Variants in CADM1 observed in about 807,000 individuals in gnomAD.
The protein encoded by CADM1 is TSLC-1.
CADM1 carries 15 observed loss-of-function variants against 53.1 expected under a neutral mutation model. The ratio of observed to expected loss-of-function variants is 0.28; its 90% CI spans 0.19 to 0.44. The LOEUF (loss-of-function observed/expected upper bound fraction) is 0.44, where lower values mean the gene tolerates loss of function less well. CADM1 is among the 20% of genes least tolerant of loss of function. The pLI, the probability that CADM1 is intolerant of heterozygous loss-of-function variation, is 1.00. For synonymous variants in CADM1, 281 were observed against 243.0 expected (o/e 1.16, Z -1.45); for missense variants, 434 against 611.3 (o/e 0.71, Z 3.06).
intron 10 of CADM1, among the ~76,000 whole-genome samples, chr11:115,187,532 A>G (rs1379118578): frequency 1.3e-5 from 2 of 152,058 alleles, no homozygotes; most frequent in East Asian, 3.9e-4. Context: ...CGTTCAAGCA[A>G]TTCTCCTCAG....
intron 1 of CADM1, among the ~76,000 whole-genome samples, chr11:115,328,916 T>C (rs1281472502): frequency 6.7e-6 from 1 of 149,730 alleles, no homozygotes; most frequent in Non-Finnish European, 1.5e-5. Flanking sequence ...TTATGGCATT[T>C]TATTTGATTC....
chr11:115,288,479 A>G (rs1466174142), intron 1 of CADM1, among the ~76,000 whole-genome samples: 2 of 152,000 alleles, frequency 1.3e-5, no homozygotes, highest in Non-Finnish European at 2.9e-5. Context: ...AAAATCACCA[A>G]CCCCTGTTTC....
At chr11:115,179,775 T>G (rs1378765156) in intron 10 of CADM1, among the ~76,000 whole-genome samples, 1 of 152,208 alleles carries the variant, frequency 6.6e-6, no homozygotes, top group Middle Eastern at 3.2e-3. Flanking sequence ...ATTTACTAGC[T>G]GTACCTTACA....
chr11:115,484,087 G>C (rs1949315773), intron 1 of CADM1, among the ~76,000 whole-genome samples: 1 of 152,170 alleles, frequency 6.6e-6, no homozygotes, highest in Admixed American at 6.5e-5. Context: ...TTTACATAAA[G>C]GAGTTAAGAA....
At position 115,169,411 on chromosome 11, in the gene CADM1, A is replaced by C; in HGVS notation, c.*7063T>G. 5.7e-6 allele frequency: 2 copies of C among 351,780 alleles called. No homozygotes were observed. The highest frequency in any genetic ancestry group is 2.2e-5 in the South Asian group (1 of 45,812). 21.8% of individuals were successfully genotyped at this position (351,780 alleles called of 1,614,324 possible). A position where few individuals can be genotyped will look rare whatever the true frequency, so the allele number is the denominator to read the frequency against. ...ACATTTCTGGCTGTGTTAAGAATCA[A>C]GCCATCAAGAACAGCTGTGAATGTT... On this transcript the variant is annotated 3_prime_UTR_variant, in exon 12 of 12. Coordinates refer to ENST00000331581, the MANE Select transcript of CADM1 (RefSeq NM_001301043.2).
At chr11:115,413,641 G>GTTTTTTTTTTTT (rs1215267771) in intron 1 of CADM1, among the ~76,000 whole-genome samples, 4 of 94,194 alleles carry the variant, frequency 4.2e-5, no homozygotes, top group Non-Finnish European at 8.2e-5. Context: ...CTCCAGCTCA[G>GTTTTTTTTTTTT]TTCTTTTTTT....
intron 1 of CADM1, among the ~76,000 whole-genome samples, chr11:115,367,511 T>C (rs1369405767): frequency 2.0e-5 from 3 of 152,294 alleles, no homozygotes; most frequent in Non-Finnish European, 2.9e-5. Context: ...ATTAAAATAA[T>C]GCATATTATA....
At chr11:115,353,056 C>T (rs770715390) in intron 1 of CADM1, among the ~76,000 whole-genome samples, 4 of 152,140 alleles carry the variant, frequency 2.6e-5, no homozygotes, top group South Asian at 2.1e-4. Context: ...GTGTTCTGGA[C>T]TGAAAATGCT....
intron 1 of CADM1, among the ~76,000 whole-genome samples, chr11:115,417,991 T>C (rs1947649950): frequency 6.6e-6 from 1 of 152,230 alleles, no homozygotes; most frequent in Non-Finnish European, 1.5e-5. Context: ...TGGGTCTGAC[T>C]ATATAACATC....
intron 1 of CADM1, among the ~76,000 whole-genome samples, chr11:115,248,030 TC>T (rs1474159446): frequency 1.3e-5 from 2 of 152,216 alleles, no homozygotes; most frequent in Non-Finnish European, 2.9e-5. Context: ...TGCTTTTCTC[TC>T]CCAAGAGAAT....
chr11:115,198,877 C>T (rs1940288468), intron 8 of CADM1, among the ~76,000 whole-genome samples: 2 of 152,170 alleles, frequency 1.3e-5, no homozygotes, highest in Non-Finnish European at 2.9e-5. Flanking sequence ...TGTTTTAACC[C>T]AACCCACCCG....
chr11:115,406,573 A>T (rs1947318658), intron 1 of CADM1, among the ~76,000 whole-genome samples: 1 of 148,202 alleles, frequency 6.7e-6, no homozygotes, highest in Non-Finnish European at 1.5e-5. Context: ...ACATAATATT[A>T]TATACCTTAT....
At chr11:115,297,022 C>T (rs1442150638) in intron 1 of CADM1, among the ~76,000 whole-genome samples, 2 of 152,184 alleles carry the variant, frequency 1.3e-5, no homozygotes, top group African/African-American at 4.8e-5. Context: ...CTATGTAGAA[C>T]AAGCTTCTTT....
intron 1 of CADM1, among the ~76,000 whole-genome samples, chr11:115,337,689 C>A (rs903417434): frequency 2.6e-5 from 4 of 152,150 alleles, no homozygotes; most frequent in Non-Finnish European, 5.9e-5. Flanking sequence ...TTGTATTCCC[C>A]ATGACTTCTA....
intron 1 of CADM1, among the ~76,000 whole-genome samples, chr11:115,327,790 G>T (rs531420723): frequency 6.6e-6 from 1 of 152,146 alleles, no homozygotes; most frequent in South Asian, 2.1e-4. Context: ...ACAGATTACT[G>T]CAAGATTAAA....
intron 1 of CADM1, among the ~76,000 whole-genome samples, chr11:115,408,026 G>C (rs1214461412): frequency 6.6e-6 from 1 of 151,954 alleles, no homozygotes; most frequent in East Asian, 1.9e-4. Context: ...CTGGGTGTTG[G>C]GGGGTGGTAG....
At position 115,229,290 on chromosome 11, in the gene CADM1, A is replaced by G; in HGVS notation, c.563-19T>C. ...GATTTGCCTGGGGAACAGAAAATGTACCAAGACACCAGAGTTGGGTGAATT... is the reference window on the plus strand; with the variant it reads ...GATTTGCCTGGGGAACAGAAAATGTGCCAAGACACCAGAGTTGGGTGAATT... On this transcript the variant is annotated intron_variant, in intron 4 of 11. Transcript: ENST00000331581. The G allele has an allele frequency of 6.2e-7, 1 of 1,613,680 alleles. No individual in the cohort carries two copies. Among genetic ancestry groups the G allele is most frequent in the Non-Finnish European group, 8.5e-7 (1 of 1,179,624 alleles).
chr11:115,369,989 T>G (rs984284123), intron 1 of CADM1, among the ~76,000 whole-genome samples: 2 of 152,222 alleles, frequency 1.3e-5, no homozygotes, highest in African/African-American at 2.4e-5. Flanking sequence ...TGAAGCCATC[T>G]CCTTATAAAT....
chr11:115,485,548 TCC>T (rs1488624735), intron 1 of CADM1, among the ~76,000 whole-genome samples: 1 of 152,152 alleles, frequency 6.6e-6, no homozygotes, highest in African/African-American at 2.4e-5. Context: ...GGGGGCGGTT[TCC>T]CCCATACTGT....
Sources: gnomAD v4.1 joint callset for allele counts (sites outside exome capture counted in the v4.1 genomes callset) on GRCh38, gnomAD v4.1.1 for gene constraint, MANE v1.5 for transcripts, NCBI Gene and HGNC (gene_info 2026-07-23, HGNC 2026-07-21) for gene names.